Variants in CCSER1 observed in about 807,000 individuals in gnomAD.
CCSER1 encodes serine-rich coiled-coil domain-containing protein 1.
Under a neutral mutation model 82.0 loss-of-function variants are expected in CCSER1, and 41 were observed. That is an observed-to-expected ratio of 0.50 (90% CI 0.39 to 0.65). The LOEUF (loss-of-function observed/expected upper bound fraction) is 0.65, where lower values mean the gene tolerates loss of function less well. Ranked by LOEUF, CCSER1 falls within the 30% of genes least tolerant of loss-of-function variation. The pLI, the probability that CCSER1 is intolerant of heterozygous loss-of-function variation, is 0.00. For missense variants in CCSER1, 1,119 were observed against 1,064.2 expected (o/e 1.05, Z -0.72); for synonymous variants, 414 against 383.9 (o/e 1.08, Z -0.92).
intron 10 of CCSER1, among the ~76,000 whole-genome samples, chr4:91,344,066 T>C (rs1351360453): frequency 6.6e-6 from 1 of 152,238 alleles, no homozygotes; most frequent in Non-Finnish European, 1.5e-5. Context: ...AATATTCATA[T>C]GTTGAAACCT....
intron 10 of CCSER1, among the ~76,000 whole-genome samples, chr4:91,248,471 A>T (rs1335078840): frequency 6.6e-6 from 1 of 152,216 alleles, no homozygotes; most frequent in East Asian, 1.9e-4. Flanking sequence ...CTTGGATAAG[A>T]TTGGCACTTC....
chr4:90,589,054 A>T (rs1782373841), intron 5 of CCSER1, among the ~76,000 whole-genome samples: 1 of 152,312 alleles, frequency 6.6e-6, no homozygotes, highest in South Asian at 2.1e-4. Context: ...ATTACAATCT[A>T]ATATGGATTT....
intron 8 of CCSER1, among the ~76,000 whole-genome samples, chr4:90,833,439 A>G (rs139875045): frequency 1.3e-5 from 2 of 152,300 alleles, no homozygotes; most frequent in East Asian, 3.9e-4. Context: ...CTCTAATAGG[A>G]CAGTGCCAAA....
At chr4:91,036,232 A>T (rs1200693368) in intron 9 of CCSER1, among the ~76,000 whole-genome samples, 1 of 152,220 alleles carries the variant, frequency 6.6e-6, no homozygotes, top group Non-Finnish European at 1.5e-5. Context: ...CATTGTTCAT[A>T]ACAAACTTAC....
intron 7 of CCSER1, chr4:90,781,541 T>C: frequency 2.0e-6 from 2 of 981,150 alleles, no homozygotes; most frequent in Non-Finnish European, 2.4e-6. Context: ...CACTTTTTTT[T>C]GATAAAATAT....
Position 90,312,940 on chromosome 4 carries a change from G to T in CCSER1, c.1402G>T (p.Ala468Ser), listed in dbSNP as rs1735564804. The T allele has an allele frequency of 6.3e-7, 1 of 1,590,306 alleles. No individual in the cohort carries two copies. The highest frequency in any genetic ancestry group is 8.6e-7 in the Non-Finnish European group (1 of 1,167,120). Residue 468 changes from alanine (A) to serine (S), a missense_variant, in exon 3 of 11, where the codon GCA becomes TCA. Physicochemically the swap from Ala to Ser is moderately conservative, Grantham distance 99. Transcript: ENST00000509176. ...RRLRSSSEGT[A>S]GSSRMILKPK... ...ACTGCGATCCTCGTCAGAAGGCACT[G>T]CAGGGAGTAGCAGAATGATTTTGAA... is the stretch of plus-strand genomic sequence containing the variant.
chr4:90,193,312 A>AT (rs2153398428), intron 1 of CCSER1, among the ~76,000 whole-genome samples: 2 of 152,228 alleles, frequency 1.3e-5, no homozygotes, highest in Admixed American at 1.3e-4. Context: ...TTCAATAAAT[A>AT]TATAGAGTTG....
At chr4:91,157,669 T>C (rs1730948711) in intron 10 of CCSER1, among the ~76,000 whole-genome samples, 1 of 152,060 alleles carries the variant, frequency 6.6e-6, no homozygotes, top group Non-Finnish European at 1.5e-5. Context: ...CTGTTCCTAC[T>C]TGGCTGGATC....
At chr4:90,130,899 G>A (rs1362395947) in intron 1 of CCSER1, among the ~76,000 whole-genome samples, 6 of 151,940 alleles carry the variant, frequency 3.9e-5, no homozygotes, top group Non-Finnish European at 7.4e-5. Flanking sequence ...GATTACAGGC[G>A]TGACCCACTG....
intron 6 of CCSER1, among the ~76,000 whole-genome samples, chr4:90,661,916 A>T (rs1159601055): frequency 2.0e-5 from 3 of 148,404 alleles, no homozygotes; most frequent in South Asian, 4.2e-4. Context: ...AAAAAAAAAA[A>T]TTTATTTTAG....
chr4:90,188,130 T>A (rs1471030717), intron 1 of CCSER1, among the ~76,000 whole-genome samples: 1 of 151,920 alleles, frequency 6.6e-6, no homozygotes, highest in Non-Finnish European at 1.5e-5. Context: ...TTACTTATTC[T>A]TCCCACTTTC....
chr4:91,220,879 T>G (rs1040029885), intron 10 of CCSER1, among the ~76,000 whole-genome samples: 1 of 152,176 alleles, frequency 6.6e-6, no homozygotes, highest in Non-Finnish European at 1.5e-5. Flanking sequence ...CAAAATATCA[T>G]GTTTTACACC....
At chr4:90,345,915 T>C (rs1742249682) in intron 3 of CCSER1, among the ~76,000 whole-genome samples, 2 of 152,094 alleles carry the variant, frequency 1.3e-5, no homozygotes, top group South Asian at 4.1e-4. Flanking sequence ...AAAAAGTATT[T>C]TATTTTTTCT....
At chr4:91,446,839 G>A (rs1272596187) in intron 10 of CCSER1, among the ~76,000 whole-genome samples, 3 of 151,674 alleles carry the variant, frequency 2.0e-5, no homozygotes, top group African/African-American at 7.3e-5. Context: ...CGGTTATGAT[G>A]TCTACAGCAG....
chr4:90,169,589 T>C (rs546468051), intron 1 of CCSER1, among the ~76,000 whole-genome samples: 1 of 152,148 alleles, frequency 6.6e-6, no homozygotes, highest in South Asian at 2.1e-4. Flanking sequence ...CAATTTACTC[T>C]CAGAAAGAAA....
chr4:90,432,969 G>T, intron 4 of CCSER1, among the ~76,000 whole-genome samples: 1 of 152,008 alleles, frequency 6.6e-6, no homozygotes, highest in East Asian at 1.9e-4. Flanking sequence ...TCAGTTCTTA[G>T]ACTTTCTTCC....
At chr4:90,754,476 G>A (rs1037746603) in intron 7 of CCSER1, among the ~76,000 whole-genome samples, 1 of 151,998 alleles carries the variant, frequency 6.6e-6, no homozygotes, top group African/African-American at 2.4e-5. Context: ...TCCTTTGGTT[G>A]GTAATGGATT....
chr4:90,612,645 G>C (rs1375863825), intron 5 of CCSER1, among the ~76,000 whole-genome samples: 1 of 152,030 alleles, frequency 6.6e-6, no homozygotes, highest in Non-Finnish European at 1.5e-5. Flanking sequence ...ATGTATTTTT[G>C]CTTCCAAATG....
rs564277310 is a variant in CCSER1, at chr4:90,975,103, G to A, written c.2172+51656G>A. Among the ~76,000 whole-genome samples, 153 of 151,454 alleles carry A rather than the reference G, an allele frequency of 1.0e-3. 3 individuals are homozygous for A. The highest frequency in any genetic ancestry group is 3.5e-3 in the African/African-American group (145 of 41,396). On this transcript the variant is annotated intron_variant, in intron 9 of 10. Transcript: ENST00000509176. The stretch of plus-strand genomic sequence containing the variant: ...GGAAAATATATGTTTAGTAAAAGAA[G>A]CTCATCACAAAACATCACTTATTGT...
Sources: gnomAD v4.1 joint callset for allele counts (sites outside exome capture counted in the v4.1 genomes callset) on GRCh38, gnomAD v4.1.1 for gene constraint, MANE v1.5 for transcripts, NCBI Gene and HGNC (gene_info 2026-07-23, HGNC 2026-07-21) for gene names.